Variants in SERINC3 observed in about 807,000 individuals in gnomAD.
SERINC3 encodes the protein serine incorporator 3, also known as tumor differentially expressed protein 1.
In SERINC3, 22 loss-of-function variants were observed where a neutral mutation model predicts 52.1. The ratio of observed to expected loss-of-function variants is 0.42; its 90% CI spans 0.30 to 0.60. The LOEUF is 0.60. Among genes scored for constraint, SERINC3 ranks in the 20% least tolerant of loss-of-function variants. The pLI is 0.16. For missense variants in SERINC3, 564 were observed against 584.6 expected (o/e 0.96, Z 0.36); for synonymous variants, 226 against 212.7 (o/e 1.06, Z -0.54).
At chr20:44,511,244 G>C (rs772039293) in intron 4 of SERINC3, 45 bp downstream of exon 4, 66 of 1,320,168 alleles carry the variant, frequency 5.0e-5, no homozygotes, top group Non-Finnish European at 6.0e-5. Flanking sequence ...ATCATCTATA[G>C]AGTTTATATA....
At position 44,513,986 on chromosome 20, in the gene SERINC3, T is replaced by C; in HGVS notation, c.94A>G (p.Ser32Gly). ...AGGCGAGTCACCGTGGAATTCTTAC[T>C]GTTAGGACAGCAACTACACAGCAAA... ...SCLLCSCCPNSKNSTVTRLIY... is the reference protein window; with the variant it reads ...SCLLCSCCPNGKNSTVTRLIY... Residue 32 changes from serine to glycine, a missense_variant, in exon 2 of 10, where the codon AGT becomes GGT. Coordinates refer to ENST00000342374, the MANE Select transcript of SERINC3 (RefSeq NM_006811.4). 1 of 1,614,172 alleles carries C rather than the reference T, an allele frequency of 6.2e-7. No individual in the cohort carries two copies. Among genetic ancestry groups the C allele is most frequent in the Non-Finnish European group, 8.5e-7 (1 of 1,180,026 alleles).
chr20:44,509,981 G>C lies in SERINC3; in HGVS notation c.523C>G (p.Gln175Glu). 1.2e-6 allele frequency: 2 copies of C among 1,614,058 alleles called. No homozygotes were observed. The highest frequency in any genetic ancestry group is 2.2e-5 in the South Asian group (2 of 91,084). ...GCAAAATCTACCAGCAGCACCAGCT[G>C]AATGAGGATGAAGAGGGCGGCCCCT... is the stretch of plus-strand genomic sequence containing the variant. Reference protein sequence around the residue: ...MIGAALFILIQLVLLVDFAHS... With the variant: ...MIGAALFILIELVLLVDFAHS... Residue 175 changes from glutamine to glutamate, a missense_variant, in exon 5 of 10, where the codon CAG becomes GAG. By Grantham distance (29) the Gln-to-Glu change is conservative (BLOSUM62 2). Coordinates refer to ENST00000342374, the MANE Select transcript of SERINC3 (RefSeq NM_006811.4).
chr20:44,510,525 G>A (rs2064340566), intron 4 of SERINC3, among the ~76,000 whole-genome samples: 1 of 152,206 alleles, frequency 6.6e-6, no homozygotes, highest in South Asian at 2.1e-4. Context: ...TATTAATAAT[G>A]AGTTGCAGCC....
intron 8 of SERINC3, 65 bp downstream of exon 8, chr20:44,503,748 CAA>C (rs1005439618): frequency 1.5e-6 from 2 of 1,304,368 alleles, no homozygotes; most frequent in East Asian, 5.3e-5. Flanking sequence ...TTTTTGAAAG[CAA>C]AACAGCTTCT....
intron 3 of SERINC3, among the ~76,000 whole-genome samples, chr20:44,512,183 G>A (rs1362256908): frequency 6.6e-6 from 1 of 152,018 alleles, no homozygotes; most frequent in African/African-American, 2.4e-5. Flanking sequence ...CATGGTGGCA[G>A]GTGCCTATAA....
intron 2 of SERINC3, 137 bp from the exon 3 acceptor site, chr20:44,513,131 C>A: frequency 1.9e-6 from 1 of 520,460 alleles, no homozygotes; most frequent in Non-Finnish European, 3.3e-6. Context: ...TTCTCTTTGT[C>A]TTCCAATTCA....
chr20:44,502,502 G>A (rs577199953), intron 8 of SERINC3, among the ~76,000 whole-genome samples: 14 of 150,000 alleles, frequency 9.3e-5, no homozygotes, highest in African/African-American at 3.4e-4. Flanking sequence ...AGGATCACTT[G>A]AGACCAGGAG....
intron 1 of SERINC3, chr20:44,519,273 C>T (rs913791956): frequency 5.9e-6 from 1 of 170,500 alleles, no homozygotes; most frequent in Non-Finnish European, 1.2e-5. Flanking sequence ...TCCCATATAA[C>T]TTAAGAGTAA....
Position 44,501,061 on chromosome 20 carries a change from T to C in SERINC3, c.1283+12A>G. ...TTTATGGTCTTCTGTCTGTTTTGTC[T>C]GTGTCTCCTACCTGTACCAGCTGGT... On this transcript the variant is annotated intron_variant, in intron 9 of 9. Transcript: ENST00000342374. 1 of 1,597,896 alleles carries C rather than the reference T, an allele frequency of 6.3e-7. No individual in the cohort carries two copies. Among genetic ancestry groups the C allele is most frequent in the Non-Finnish European group, 8.6e-7 (1 of 1,165,296 alleles).
intron 7 of SERINC3, 77 bp from the exon 8 acceptor site, chr20:44,504,072 A>C (rs537617690): frequency 3.3e-6 from 4 of 1,221,636 alleles, no homozygotes; most frequent in Non-Finnish European, 4.6e-6. Flanking sequence ...AGTTCCCTAC[A>C]TATCATTCAG....
intron 8 of SERINC3, among the ~76,000 whole-genome samples, chr20:44,501,631 C>T (rs2064280700): frequency 6.6e-6 from 1 of 152,168 alleles, no homozygotes; most frequent in Non-Finnish European, 1.5e-5. Context: ...ACTTACTCAT[C>T]CTTCACTTCT....
At chr20:44,516,868 A>G (rs919307849) in intron 1 of SERINC3, among the ~76,000 whole-genome samples, 1 of 152,124 alleles carries the variant, frequency 6.6e-6, no homozygotes, top group Non-Finnish European at 1.5e-5. Flanking sequence ...ATATAATTTG[A>G]GTCATTATGC....
At chr20:44,520,228 T>C (rs2064407142) in intron 1 of SERINC3, among the ~76,000 whole-genome samples, 1 of 151,982 alleles carries the variant, frequency 6.6e-6, no homozygotes, top group African/African-American at 2.4e-5. Flanking sequence ...ATACAAAAAT[T>C]AGCTGGGCGT....
chr20:44,501,311 A>G lies in SERINC3; in HGVS notation c.1056-11T>C, dbSNP rs376448657. 2.4e-5 allele frequency: 38 copies of G among 1,610,590 alleles called. No homozygotes were observed. The African/African-American group carries it at 4.9e-4, about 21-fold the overall frequency. On this transcript the variant is annotated splice_polypyrimidine_tract_variant and intron_variant, in intron 8 of 9. Coordinates refer to ENST00000342374, the MANE Select transcript of SERINC3 (RefSeq NM_006811.4). ...GTGGAAGTGCGGATGCTGGAAAGTG[A>G]TCCCAAGGAAGACAAATCAGAAAGG...
In SERINC3 at chr20:44,503,901, A is replaced by G. The variant is rs2064295146; in HGVS notation, c.969T>C (p.Pro323=). Residue 323 remains proline (P), a synonymous_variant, in exon 8 of 10, where the codon CCT becomes CCC. Coordinates refer to ENST00000342374, the MANE Select transcript of SERINC3 (RefSeq NM_006811.4). ...AAGACCCACTCTTTGATGGTGGAGT[A>G]GGGGTAGGGACCACAGCAGTTGAAT... The part of the protein sequence containing the change: ...PGNSTAVVPT[P]TPPSKSGSLL... 1 of 1,604,940 alleles carries G rather than the reference A, an allele frequency of 6.2e-7. No homozygotes were observed. The highest frequency in any genetic ancestry group is 8.5e-7 in the Non-Finnish European group (1 of 1,176,830).
chr20:44,510,173 A>C, intron 4 of SERINC3, 145 bp from the exon 5 acceptor site: 1 of 738,758 alleles, frequency 1.4e-6, no homozygotes, highest in Non-Finnish European at 2.2e-6. Context: ...TCCAAACTCA[A>C]CGGCATTCTT....
chr20:44,513,088 ACTT>A, intron 2 of SERINC3, 94 bp from the exon 3 acceptor site: 1 of 717,486 alleles, frequency 1.4e-6, no homozygotes, highest in Non-Finnish European at 2.2e-6. Context: ...AAAATTAACT[ACTT>A]CAACAACTGC....
At position 44,499,758 on chromosome 20, in the gene SERINC3, A is replaced by G. The variant is rs983450226; in HGVS notation, c.*538T>C. The G allele has an allele frequency of 1.3e-5, 2 of 152,498 alleles. No homozygotes were observed. The highest frequency in any genetic ancestry group is 4.8e-5 in the African/African-American group (2 of 41,594). 9.4% of individuals were successfully genotyped at this position (152,498 alleles called of 1,614,324 possible). ...AGAAGCAGTAGCCATATCAGCAACC[A>G]TTCTTCTAGGGAAGGGACCCACATA... On this transcript the variant is annotated 3_prime_UTR_variant, in exon 10 of 10. Transcript: ENST00000342374.
In SERINC3 at chr20:44,521,036, T is replaced by G. The variant is rs2425643; in HGVS notation, c.39+877A>C. Among the ~76,000 whole-genome samples, 416 of 152,284 alleles carry G rather than the reference T, an allele frequency of 2.7e-3. 1 individual carries two copies. The highest frequency in any genetic ancestry group is 9.3e-3 in the African/African-American group (386 of 41,564). On this transcript the variant is annotated intron_variant, in intron 1 of 9. Transcript: ENST00000342374. The stretch of plus-strand genomic sequence containing the variant: ...TGACTTGTAGGGCACCAAGTTGGCA[T>G]CCCCTGCAGAGCTGACTGTTTGCCT...
Sources: allele counts gnomAD v4.1 joint callset (sites outside exome capture counted in the v4.1 genomes callset), GRCh38; gene constraint gnomAD v4.1.1; transcripts MANE v1.5; gene names NCBI Gene and HGNC (gene_info 2026-07-23, HGNC 2026-07-21).